KCTD8: variants seen among roughly 807,000 people sequenced by gnomAD.
KCTD8 encodes the protein potassium channel tetramerization domain containing 8.
KCTD8 carries 27 observed loss-of-function variants against 31.5 expected under a neutral mutation model. That is an observed-to-expected ratio of 0.86 (90% CI 0.63 to 1.18). The LOEUF is 1.18. KCTD8 is among the 50% of genes most tolerant of loss of function. The pLI is 0.00. For missense variants in KCTD8, 658 were observed against 647.7 expected (o/e 1.02, Z -0.17); for synonymous variants, 290 against 280.0 (o/e 1.04, Z -0.36).
chr4:44,285,935 A>G (rs1344713338), intron 1 of KCTD8, among the ~76,000 whole-genome samples: 1 of 152,178 alleles, frequency 6.6e-6, no homozygotes, highest in South Asian at 2.1e-4. Flanking sequence ...AAATATTAAC[A>G]GGAGTTAATA....
At chr4:44,282,313 C>A (rs902865119) in intron 1 of KCTD8, among the ~76,000 whole-genome samples, 1 of 151,972 alleles carries the variant, frequency 6.6e-6, no homozygotes, top group African/African-American at 2.4e-5. Flanking sequence ...GCTCAGTGAC[C>A]TTTGATGTTA....
At position 44,238,619 on chromosome 4, in the gene KCTD8, A is replaced by G. The variant is rs191258820; in HGVS notation, c.962-63369T>C. ...AAATAGATTTTATCGGTCTTAGGAT[A>G]CAGAATTTTAGTGTAACTCAAGAAA... is the stretch of plus-strand genomic sequence containing the variant. On this transcript the variant is annotated intron_variant, in intron 1 of 1. Coordinates refer to ENST00000360029, the MANE Select transcript of KCTD8 (RefSeq NM_198353.3). Among the ~76,000 whole-genome samples the G allele has an allele frequency of 7.7e-4, 118 of 152,328 alleles. 2 individuals are homozygous for G. The highest frequency in any genetic ancestry group is 6.0e-3 in the Admixed American group (92 of 15,306).
At chr4:44,263,073 A>G (rs995269557) in intron 1 of KCTD8, among the ~76,000 whole-genome samples, 1 of 152,142 alleles carries the variant, frequency 6.6e-6, no homozygotes, top group African/African-American at 2.4e-5. Flanking sequence ...TGACAAGTCT[A>G]AATTTCACTC....
intron 1 of KCTD8, among the ~76,000 whole-genome samples, chr4:44,224,331 G>A (rs576399828): frequency 2.6e-5 from 4 of 152,150 alleles, no homozygotes; most frequent in Admixed American, 2.6e-4. Flanking sequence ...TTATTTATTT[G>A]TCACTTTTTT....
chr4:44,334,054 A>T (rs998633421), intron 1 of KCTD8, among the ~76,000 whole-genome samples: 1 of 152,088 alleles, frequency 6.6e-6, no homozygotes, highest in African/African-American at 2.4e-5. Flanking sequence ...AAATTAGGAA[A>T]CTTATAGAGA....
chr4:44,447,470 G>A (rs903623958), intron 1 of KCTD8, 93 bp downstream of exon 1: 2 of 1,428,362 alleles, frequency 1.4e-6, no homozygotes, highest in Non-Finnish European at 1.8e-6. Flanking sequence ...CGCCTGCCCC[G>A]GACACCCCCG....
intron 1 of KCTD8, among the ~76,000 whole-genome samples, chr4:44,212,928 T>C (rs1003870758): frequency 3.3e-5 from 5 of 152,080 alleles, no homozygotes; most frequent in Admixed American, 3.3e-4. Context: ...TTGTCTTTGT[T>C]TTTTTGTTTG....
chr4:44,312,277 G>A (rs189060553), intron 1 of KCTD8, among the ~76,000 whole-genome samples: 45 of 152,104 alleles, frequency 3.0e-4, no homozygotes, highest in Admixed American at 7.9e-4. Flanking sequence ...TTTAAGTCAG[G>A]TAACTTACTT....
intron 1 of KCTD8, among the ~76,000 whole-genome samples, chr4:44,215,575 G>A (rs1337652124): frequency 6.6e-6 from 1 of 152,078 alleles, no homozygotes; most frequent in African/African-American, 2.4e-5. Context: ...TAATTAGGAG[G>A]TCAATAAGTC....
At chr4:44,276,449 C>T (rs1051487399) in intron 1 of KCTD8, among the ~76,000 whole-genome samples, 1 of 151,904 alleles carries the variant, frequency 6.6e-6, no homozygotes, top group African/African-American at 2.4e-5. Flanking sequence ...AAATAATTAT[C>T]TAAGGATTCA....
chr4:44,214,044 A>G (rs993384342), intron 1 of KCTD8, among the ~76,000 whole-genome samples: 8 of 152,076 alleles, frequency 5.3e-5, no homozygotes, highest in Admixed American at 4.6e-4. Flanking sequence ...TTCACCATAC[A>G]TTTCTTCCCT....
At chr4:44,319,705 A>G (rs1190846176) in intron 1 of KCTD8, among the ~76,000 whole-genome samples, 1 of 152,168 alleles carries the variant, frequency 6.6e-6, no homozygotes, top group African/African-American at 2.4e-5. Flanking sequence ...GGAATTTGGA[A>G]TGCCAAAAAG....
At chr4:44,324,175 G>A (rs1364089756) in intron 1 of KCTD8, among the ~76,000 whole-genome samples, 4 of 151,818 alleles carry the variant, frequency 2.6e-5, no homozygotes, top group Non-Finnish European at 4.4e-5. Context: ...TGGCAGGATA[G>A]GCCAGCCTGG....
chr4:44,225,640 A>C (rs1714935076), intron 1 of KCTD8, among the ~76,000 whole-genome samples: 1 of 152,136 alleles, frequency 6.6e-6, no homozygotes, highest in Non-Finnish European at 1.5e-5. Flanking sequence ...GATGATTAAA[A>C]AAAATAACCC....
At chr4:44,310,379 T>C (rs1212078247) in intron 1 of KCTD8, among the ~76,000 whole-genome samples, 4 of 152,052 alleles carry the variant, frequency 2.6e-5, no homozygotes, top group Non-Finnish European at 5.9e-5. Flanking sequence ...GCAATAAAAA[T>C]GGGAGCAGAG....
intron 1 of KCTD8, among the ~76,000 whole-genome samples, chr4:44,214,213 A>G (rs1469468519): frequency 1.3e-5 from 2 of 152,192 alleles, no homozygotes; most frequent in Non-Finnish European, 2.9e-5. Flanking sequence ...GGATGCAATG[A>G]AAATTGTTTT....
chr4:44,427,144 A>T (rs1386876594), intron 1 of KCTD8, among the ~76,000 whole-genome samples: 1 of 151,500 alleles, frequency 6.6e-6, no homozygotes, highest in African/African-American at 2.4e-5. Context: ...AACTAGAAGT[A>T]GAAGAGAATA....
chr4:44,433,829 G>C (rs954200064), intron 1 of KCTD8, among the ~76,000 whole-genome samples: 2 of 151,372 alleles, frequency 1.3e-5, no homozygotes, highest in Admixed American at 1.3e-4. Flanking sequence ...CACCTATATA[G>C]CACTAGAATT....
intron 1 of KCTD8, among the ~76,000 whole-genome samples, chr4:44,300,721 T>C (rs1010501427): frequency 1.3e-5 from 2 of 152,134 alleles, no homozygotes; most frequent in Non-Finnish European, 2.9e-5. Flanking sequence ...AGAACTCTTT[T>C]TTTTATTATT....
Sources: allele counts gnomAD v4.1 joint callset (sites outside exome capture counted in the v4.1 genomes callset), GRCh38; gene constraint gnomAD v4.1.1; transcripts MANE v1.5; gene names NCBI Gene and HGNC (gene_info 2026-07-23, HGNC 2026-07-21).